The following LGI2 variants were observed in gnomAD, a reference collection of about 807,000 sequenced individuals.
LGI2 encodes the protein leucine-rich repeat LGI family member 2.
Under a neutral mutation model 52.0 loss-of-function variants are expected in LGI2, and 30 were observed. The observed-to-expected ratio is 0.58, with a 90% CI of 0.43 to 0.78. The LOEUF is 0.78. Ranked by LOEUF, LGI2 falls within the 30% of genes least tolerant of loss-of-function variation. The pLI is 0.00. For synonymous variants in LGI2, 270 were observed against 271.8 expected (o/e 0.99, Z 0.06); for missense variants, 573 against 692.5 (o/e 0.83, Z 1.94).
rs138177828 is a variant in LGI2 at position 25,000,469 on chromosome 4, C to T, written c.*2982G>A. On this transcript the variant is annotated 3_prime_UTR_variant, in exon 8 of 8. Coordinates refer to ENST00000382114, the MANE Select transcript of LGI2 (RefSeq NM_018176.4). The stretch of plus-strand genomic sequence containing the variant: ...TAATGTGCATTGGAAAAATATAAAG[C>T]TTTGCTAAATGTAAGGTGGCCTTAT... 6.6e-6 allele frequency: 1 copy of T among 152,242 alleles called. No individual in the cohort carries two copies. Among genetic ancestry groups the T allele is most frequent in the Non-Finnish European group, 1.5e-5 (1 of 68,072 alleles). The allele number at this position is 152,242 out of a possible 1,614,324, so 9.4% of individuals were successfully genotyped here. A position where few individuals can be genotyped will look rare whatever the true frequency, so the allele number is the denominator to read the frequency against.
chr4:24,995,028 C>T (rs1200215372), downstream of LGI2, among the ~76,000 whole-genome samples: 1 of 152,238 alleles, frequency 6.6e-6, no homozygotes, highest in Admixed American at 6.5e-5. Flanking sequence ...TTCAAGAAAT[C>T]TCCCTGGATT....
rs1725187348 is a variant in LGI2 at position 24,999,859 on chromosome 4, G to A, written c.*3592C>T. On this transcript the variant is annotated 3_prime_UTR_variant, in exon 8 of 8. Transcript: ENST00000382114. ...GGCCGAGAGCAATTCATCACCACTC[G>A]TGCATTCAGGTTTTGAATTTTTCCT... The A allele has an allele frequency of 4.4e-6, 2 of 456,066 alleles. No homozygotes were observed. Among genetic ancestry groups the A allele is most frequent in the Non-Finnish European group, 8.8e-6 (2 of 226,906 alleles). The allele number at this position is 456,066 out of a possible 1,614,324, so 28.3% of individuals were successfully genotyped here.
chr4:25,026,446 G>C (rs1726154059), intron 3 of LGI2, among the ~76,000 whole-genome samples: 1 of 152,104 alleles, frequency 6.6e-6, no homozygotes, highest in Admixed American at 6.5e-5. Flanking sequence ...GTAGAACAGT[G>C]AGTGAACAAC....
rs1412697183 is a variant in LGI2, at chr4:24,998,948, A to T, written c.*4503T>A. On this transcript the variant is annotated 3_prime_UTR_variant, in exon 8 of 8. Coordinates refer to ENST00000382114, the MANE Select transcript of LGI2 (RefSeq NM_018176.4). ...TTACCAAAAAGAGCTAAATATGTAT[A>T]CAGCCTAAAATACATCCACTGTAGT... 1.3e-5 allele frequency: 2 copies of T among 152,246 alleles called. No individual in the cohort carries two copies. Among genetic ancestry groups the T allele is most frequent in the Non-Finnish European group, 2.9e-5 (2 of 68,042 alleles). 9.4% of individuals were successfully genotyped at this position (152,246 alleles called of 1,614,324 possible).
In LGI2 at chr4:25,017,998, T is replaced by C. The variant is rs1725829669; in HGVS notation, c.646A>G (p.Thr216Ala). Reference protein sequence around the residue: ...NDVTSFDYECTTTDFVVHQTL... With the variant: ...NDVTSFDYECATTDFVVHQTL... ...GATAGGCTCTGAATACCTGTAGTTG[T>C]GCATTCATAGTCAAAGCTGGTCACG... The change falls in exon 6 of 8, where the codon ACA becomes GCA. Residue 216 changes from threonine (T) to alanine (A), a missense_variant. Transcript: ENST00000382114. 1 of 1,609,920 alleles carries C rather than the reference T, an allele frequency of 6.2e-7. No homozygotes were observed. The highest frequency in any genetic ancestry group is 8.5e-7 in the Non-Finnish European group (1 of 1,178,826).
At position 25,002,055 on chromosome 4, in the gene LGI2, C is replaced by G. The variant is rs1458669407; in HGVS notation, c.*1396G>C. 2.0e-5 allele frequency: 3 copies of G among 152,302 alleles called. No homozygotes were observed. Among genetic ancestry groups the G allele is most frequent in the Non-Finnish European group, 4.4e-5 (3 of 68,136 alleles). 9.4% of individuals were successfully genotyped at this position (152,302 alleles called of 1,614,324 possible). A position where few individuals can be genotyped will look rare whatever the true frequency, so the allele number is the denominator to read the frequency against. The stretch of plus-strand genomic sequence containing the variant: ...TAAGAATCTTCCACATAACCAGACC[C>G]CAGGAGCTTGCCTATTGCCCATACC... On this transcript the variant is annotated 3_prime_UTR_variant, in exon 8 of 8. Transcript: ENST00000382114.
intron 6 of LGI2, 55 bp downstream of exon 6, chr4:25,017,934 A>G: frequency 1.4e-6 from 2 of 1,458,468 alleles, no homozygotes; most frequent in Non-Finnish European, 1.8e-6. Flanking sequence ...AGTGTAAAAG[A>G]AAGACAAAGA....
At chr4:25,022,702 A>C (rs1338882227) in intron 4 of LGI2, among the ~76,000 whole-genome samples, 1 of 152,174 alleles carries the variant, frequency 6.6e-6, no homozygotes, top group East Asian at 1.9e-4. Context: ...CATGCACCCG[A>C]GGACACTTTG....
Position 25,011,311 on chromosome 4 carries a change from G to T in LGI2, c.820+1024C>A, listed in dbSNP as rs566677304. Among the ~76,000 whole-genome samples, 13 of 152,180 alleles carry T rather than the reference G, an allele frequency of 8.5e-5. No individual in the cohort carries two copies. The South Asian group carries it at 2.7e-3, about 32-fold the overall frequency. ...AGCAGGTTCACCTGTGCTACTCTGT[G>T]CTGAGTCTGCACTTCCAAGAGCGTT... is the stretch of plus-strand genomic sequence containing the variant. On this transcript the variant is annotated intron_variant, in intron 7 of 7. Coordinates refer to ENST00000382114, the MANE Select transcript of LGI2 (RefSeq NM_018176.4).
chr4:25,030,890 C>T lies in LGI2; in HGVS notation c.-197G>A, dbSNP rs961754887. On this transcript the variant is annotated 5_prime_UTR_variant, in exon 1 of 8. Transcript: ENST00000382114. ...CCGCCACCCCCACTCGGCGCCCCCCCACCCGAGCCCGGGCTGCTGGGCGGC... is the reference window on the plus strand; with the variant it reads ...CCGCCACCCCCACTCGGCGCCCCCCTACCCGAGCCCGGGCTGCTGGGCGGC... 5.7e-5 allele frequency: 10 copies of T among 175,886 alleles called. No individual in the cohort carries two copies. Among genetic ancestry groups the T allele is most frequent in the East Asian group, 1.8e-4 (1 of 5,454 alleles). 10.9% of individuals were successfully genotyped at this position (175,886 alleles called of 1,614,324 possible).
intron 2 of LGI2, 132 bp downstream of exon 2, chr4:25,028,375 C>G: frequency 1.4e-6 from 1 of 739,242 alleles, no homozygotes. Flanking sequence ...AAATTAACAC[C>G]AAGAGGCAGC....
rs1725197192 is a variant in LGI2 at position 25,000,256 on chromosome 4, G to A, written c.*3195C>T. On this transcript the variant is annotated 3_prime_UTR_variant, in exon 8 of 8. Coordinates refer to ENST00000382114, the MANE Select transcript of LGI2 (RefSeq NM_018176.4). Reference sequence around the variant, plus strand: ...AGTCTTTCTCTGGGAGAGTATAGCAGGGTGTCTTAGAAAGAAAATACAATG... The same window carrying A: ...AGTCTTTCTCTGGGAGAGTATAGCAAGGTGTCTTAGAAAGAAAATACAATG... 1.3e-5 allele frequency: 2 copies of A among 156,946 alleles called. No homozygotes were observed. Among genetic ancestry groups the A allele is most frequent in the African/African-American group, 4.8e-5 (2 of 41,496 alleles). 9.7% of individuals were successfully genotyped at this position (156,946 alleles called of 1,614,324 possible).
At chr4:25,005,647 G>T (rs1418588838) in intron 7 of LGI2, among the ~76,000 whole-genome samples, 1 of 152,082 alleles carries the variant, frequency 6.6e-6, no homozygotes, top group African/African-American at 2.4e-5. Flanking sequence ...TGGGGTGGTG[G>T]GGGGTTGCGG....
At chr4:25,029,175 G>T (rs1726248211) in intron 1 of LGI2, among the ~76,000 whole-genome samples, 1 of 152,132 alleles carries the variant, frequency 6.6e-6, no homozygotes, top group Non-Finnish European at 1.5e-5. Context: ...CATCCTTTCT[G>T]GCCACAGCAG....
At position 25,000,979 on chromosome 4, in the gene LGI2, C is replaced by T. The variant is rs1358994026; in HGVS notation, c.*2472G>A. On this transcript the variant is annotated 3_prime_UTR_variant, in exon 8 of 8. Coordinates refer to ENST00000382114, the MANE Select transcript of LGI2 (RefSeq NM_018176.4). ...GTAAGTTGGCCAGAACAAATATCTCCTTCCACAGCACAGGCGCTCTGTAGA... is the reference window on the plus strand; with the variant it reads ...GTAAGTTGGCCAGAACAAATATCTCTTTCCACAGCACAGGCGCTCTGTAGA... The T allele has an allele frequency of 6.6e-6, 1 of 152,214 alleles. No individual in the cohort carries two copies. The highest frequency in any genetic ancestry group is 1.5e-5 in the Non-Finnish European group (1 of 68,056). The allele number at this position is 152,214 out of a possible 1,614,324, so 9.4% of individuals were successfully genotyped here.
At chr4:25,007,363 C>A (rs544502752) in intron 7 of LGI2, among the ~76,000 whole-genome samples, 1 of 152,290 alleles carries the variant, frequency 6.6e-6, no homozygotes, top group South Asian at 2.1e-4. Flanking sequence ...TCTTCAAAAG[C>A]GGCATTGATT....
chr4:24,992,575 A>G, the LGI2 span, among the ~76,000 whole-genome samples: 4 of 149,974 alleles, frequency 2.7e-5, no homozygotes, highest in Admixed American at 6.7e-5. Context: ...AATAAAAAAT[A>G]AAAAAAAAAT....
intron 7 of LGI2, among the ~76,000 whole-genome samples, chr4:25,010,725 TG>T (rs1438529577): frequency 6.6e-6 from 1 of 152,196 alleles, no homozygotes; most frequent in Admixed American, 6.5e-5. Context: ...GAGCTTCCAA[TG>T]GGATAAACTA....
intron 4 of LGI2, among the ~76,000 whole-genome samples, chr4:25,019,589 C>T (rs763609970): frequency 3.4e-4 from 51 of 152,124 alleles, no homozygotes; most frequent in Non-Finnish European, 4.0e-4. Flanking sequence ...CCCATCTCAT[C>T]GGTTTCCAAC....
Sources: allele counts gnomAD v4.1 joint callset (sites outside exome capture counted in the v4.1 genomes callset), GRCh38; gene constraint gnomAD v4.1.1; transcripts MANE v1.5; gene names NCBI Gene and HGNC (gene_info 2026-07-23, HGNC 2026-07-21).